The following RANBP2 variants were observed in gnomAD, a reference collection of about 807,000 sequenced individuals.
RANBP2 encodes the protein E3 SUMO-protein ligase RanBP2.
RANBP2 carries 57 observed loss-of-function variants against 303.6 expected under a neutral mutation model. That is an observed-to-expected ratio of 0.19 (90% CI 0.15 to 0.23). The LOEUF (loss-of-function observed/expected upper bound fraction) is 0.23. RANBP2 is among the 10% of genes least tolerant of loss of function. The pLI, the probability that RANBP2 is intolerant of heterozygous loss-of-function variation, is 1.00. For synonymous variants in RANBP2, 1,167 were observed against 1,301.5 expected, an observed-to-expected ratio of 0.90 and a Z score of 2.23; for missense variants, 3,138 against 3,780.8, an observed-to-expected ratio of 0.83 and a Z score of 4.46.
At chr2:108,896,655 A>C in the RANBP2 span, 2 of 519,480 alleles carry the variant, frequency 3.9e-6, no homozygotes. Context: ...GGCTGGCTGT[A>C]TGAGTGAGTA....
rs1676896759 is a variant in RANBP2 at position 108,763,589 on chromosome 2, C to T, written c.3050C>T (p.Pro1017Leu). ...CCCATGCCGGGTGAAGGATTAAGGC[C>T]ATCTTTGCCAACACAAGCACACACA... ...VQPMPGEGLR[P>L]SLPTQAHTTQ... Residue 1017 changes from proline to leucine, a missense_variant, in exon 20 of 29, where the codon CCA becomes CTA. Physicochemically the swap from Pro to Leu is moderately conservative, Grantham distance 98. Around this residue, in one of 20 missense-constraint regions of RANBP2, gnomAD observed 403 missense variants for 376.7 expected, o/e 1.07. Coordinates refer to ENST00000283195, the MANE Select transcript of RANBP2 (RefSeq NM_006267.5). 2 of 1,613,940 alleles carry T rather than the reference C, an allele frequency of 1.2e-6. No homozygotes were observed. The highest frequency in any genetic ancestry group is 2.7e-5 in the African/African-American group (2 of 74,888).
chr2:108,768,680 G>GT (rs1325253255), intron 20 of RANBP2, among the ~76,000 whole-genome samples: 1 of 152,016 alleles, frequency 6.6e-6, no homozygotes, highest in Non-Finnish European at 1.5e-5. Flanking sequence ...GCACATTAAC[G>GT]TGAGTCTTTT....
chr2:108,777,036 A>G, intron 24 of RANBP2, 94 bp from the exon 25 acceptor site: 2 of 1,060,732 alleles, frequency 1.9e-6, no homozygotes, highest in African/African-American at 3.2e-5. Flanking sequence ...ATCCCAGAGT[A>G]TACAAGTCTC....
At chr2:109,055,934 A>G in the RANBP2 span, among the ~76,000 whole-genome samples, 11 of 138,284 alleles carry the variant, frequency 8.0e-5, no homozygotes, top group Non-Finnish European at 1.4e-4. Flanking sequence ...TAATTTTCGC[A>G]TTTTTAGTAA....
the RANBP2 span, among the ~76,000 whole-genome samples, chr2:108,904,905 T>C: frequency 6.6e-6 from 1 of 152,224 alleles, no homozygotes; most frequent in Non-Finnish European, 1.5e-5. Flanking sequence ...TCAATATCAG[T>C]GTCCTGGTTG....
At chr2:109,278,548 C>T in the RANBP2 span, among the ~76,000 whole-genome samples, 1 of 152,194 alleles carries the variant, frequency 6.6e-6, no homozygotes, top group Non-Finnish European at 1.5e-5. Context: ...GAATGTCGGG[C>T]CCCAATGTCA....
At chr2:109,675,885 G>T in the RANBP2 span, among the ~76,000 whole-genome samples, 1 of 152,172 alleles carries the variant, frequency 6.6e-6, no homozygotes, top group Admixed American at 6.5e-5. Flanking sequence ...GTGTGTCTGG[G>T]AGGGCCCAGA....
At chr2:109,551,431 C>G in the RANBP2 span, among the ~76,000 whole-genome samples, 1 of 151,978 alleles carries the variant, frequency 6.6e-6, no homozygotes, top group Non-Finnish European at 1.5e-5. Flanking sequence ...AACATAATAC[C>G]CATGTACAAT....
chr2:109,452,086 T>C, the RANBP2 span, among the ~76,000 whole-genome samples: 1 of 152,262 alleles, frequency 6.6e-6, no homozygotes. Flanking sequence ...TTTGCCCATC[T>C]GTGTTCCCAC....
Position 108,748,792 on chromosome 2 carries a change from T to A in RANBP2, c.1064-128T>A, listed in dbSNP as rs542552360. On this transcript the variant is annotated intron_variant, in intron 8 of 28. Transcript: ENST00000283195. ...CACCGGTTTTGTTGTCCAGCTGTATTTTTTGGGTTGGAGGGTTAGGTATGC... is the reference window on the plus strand; with the variant it reads ...CACCGGTTTTGTTGTCCAGCTGTATATTTTGGGTTGGAGGGTTAGGTATGC... 10 of 1,562,574 alleles carry A rather than the reference T, an allele frequency of 6.4e-6. No homozygotes were observed. In the African/African-American group the frequency reaches 9.5e-5, roughly 15 times the overall value.
At chr2:108,907,930 G>A in the RANBP2 span, 27 of 1,613,494 alleles carry the variant, frequency 1.7e-5, no homozygotes, top group South Asian at 2.2e-5. Context: ...GCACAGCTCC[G>A]GGGAGCCCTG....
chr2:109,578,917 G>A, the RANBP2 span, among the ~76,000 whole-genome samples: 1 of 152,060 alleles, frequency 6.6e-6, no homozygotes, highest in East Asian at 1.9e-4. Flanking sequence ...AACTCCAAAA[G>A]TACAGACGTA....
chr2:109,087,929 C>T, the RANBP2 span, among the ~76,000 whole-genome samples: 1 of 152,140 alleles, frequency 6.6e-6, no homozygotes, highest in Admixed American at 6.5e-5. Flanking sequence ...TTCCGGCTCC[C>T]CCATTGTGTG....
chr2:109,176,146 A>G, the RANBP2 span, among the ~76,000 whole-genome samples: 2 of 152,188 alleles, frequency 1.3e-5, no homozygotes, highest in African/African-American at 2.4e-5. Context: ...GCCCAGTGCT[A>G]AATCTTGAAA....
chr2:108,743,659 A>G (rs1316175096), intron 7 of RANBP2, among the ~76,000 whole-genome samples: 1 of 152,250 alleles, frequency 6.6e-6, no homozygotes, highest in East Asian at 1.9e-4. Flanking sequence ...AACTACTGTT[A>G]GGAGTTTCTT....
chr2:109,209,742 T>C, the RANBP2 span, among the ~76,000 whole-genome samples: 1 of 152,176 alleles, frequency 6.6e-6, no homozygotes, highest in Non-Finnish European at 1.5e-5. Flanking sequence ...TTACAAACCC[T>C]AGGTGAGAGT....
chr2:108,814,767 A>G, the RANBP2 span, among the ~76,000 whole-genome samples: 1 of 149,670 alleles, frequency 6.7e-6, no homozygotes, highest in Non-Finnish European at 1.5e-5. Context: ...TCCCGAAGAG[A>G]TGGGATTACA....
the RANBP2 span, among the ~76,000 whole-genome samples, chr2:108,978,917 C>T: frequency 3.7e-4 from 56 of 152,188 alleles, no homozygotes; most frequent in Non-Finnish European, 6.5e-4. Flanking sequence ...TAAACTCCAA[C>T]GAAGACCATT....
At chr2:108,920,660 C>T in the RANBP2 span, among the ~76,000 whole-genome samples, 1 of 152,212 alleles carries the variant, frequency 6.6e-6, no homozygotes, top group Non-Finnish European at 1.5e-5. Context: ...GACGCCTGTC[C>T]TCTTTGGTTT....
Sources: allele counts gnomAD v4.1 joint callset (sites outside exome capture counted in the v4.1 genomes callset), GRCh38; gene constraint gnomAD v4.1.1; regional missense constraint gnomAD v4.1.1; transcripts MANE v1.5; gene names NCBI Gene and HGNC (gene_info 2026-07-23, HGNC 2026-07-21).